PCDHGB1: variants seen among roughly 807,000 people sequenced by gnomAD.
PCDHGB1 encodes the protein protocadherin gamma subfamily B, 1.
Under a neutral mutation model 56.6 loss-of-function variants are expected in PCDHGB1, and 34 were observed. The ratio of observed to expected loss-of-function variants is 0.60; its 90% CI spans 0.46 to 0.80. The LOEUF is 0.80. Ranked by LOEUF, PCDHGB1 falls within the 30% of genes least tolerant of loss-of-function variation. PCDHGB1 has a pLI of 0.00. For missense variants in PCDHGB1, 1,278 were observed against 1,204.6 expected, an observed-to-expected ratio of 1.06 and a Z score of -0.90; for synonymous variants, 561 against 505.9, an observed-to-expected ratio of 1.11 and a Z score of -1.46.
chr5:141,469,962 C>T (rs943032320), intron 1 of PCDHGB1, among the ~76,000 whole-genome samples: 8 of 152,134 alleles, frequency 5.3e-5, no homozygotes, highest in African/African-American at 1.9e-4. Flanking sequence ...GAAACCCCAT[C>T]TGTACCAAAA....
At chr5:141,419,465 G>C (rs568864628) in intron 1 of PCDHGB1, 77 of 1,612,426 alleles carry the variant, frequency 4.8e-5, no homozygotes, top group Non-Finnish European at 6.4e-5. Context: ...GCAGGCCCGC[G>C]ACCAGGGCTC....
At chr5:141,393,989 T>G in intron 1 of PCDHGB1, 1 of 1,613,634 alleles carries the variant, frequency 6.2e-7, no homozygotes, top group Non-Finnish European at 8.5e-7. Flanking sequence ...ATTTACCTTT[T>G]AAATTAGAAA....
chr5:141,402,973 C>G (rs779898665), intron 1 of PCDHGB1: 1 of 1,607,926 alleles, frequency 6.2e-7, no homozygotes. Context: ...CAACCAAATG[C>G]CAGCTCCGCG....
chr5:141,464,853 C>A (rs1441161135), intron 1 of PCDHGB1, among the ~76,000 whole-genome samples: 1 of 151,778 alleles, frequency 6.6e-6, no homozygotes, highest in East Asian at 1.9e-4. Flanking sequence ...ATCCTCCTAC[C>A]TTAGCCTCCC....
intron 1 of PCDHGB1, chr5:141,416,916 T>A (rs751743318): frequency 5.5e-4 from 83 of 152,132 alleles, no homozygotes; most frequent in Non-Finnish European, 8.5e-4. Flanking sequence ...CTCTTTAGGG[T>A]CATAGTTATT....
At chr5:141,385,285 G>C in intron 1 of PCDHGB1, 1 of 1,613,408 alleles carries the variant, frequency 6.2e-7, no homozygotes, top group Non-Finnish European at 8.5e-7. Flanking sequence ...AACATCCGTA[G>C]ATTTTCAGGA....
At chr5:141,369,716 T>C (rs1229829600) in intron 1 of PCDHGB1, among the ~76,000 whole-genome samples, 1 of 152,218 alleles carries the variant, frequency 6.6e-6, no homozygotes, top group Non-Finnish European at 1.5e-5. Flanking sequence ...TTATAACTTT[T>C]AGAAGTTAGA....
At chr5:141,470,602 G>A (rs1004044883) in intron 1 of PCDHGB1, among the ~76,000 whole-genome samples, 1 of 152,268 alleles carries the variant, frequency 6.6e-6, no homozygotes, top group South Asian at 2.1e-4. Flanking sequence ...ACCTGTGCGG[G>A]GACACAGGGC....
intron 1 of PCDHGB1, among the ~76,000 whole-genome samples, chr5:141,465,409 A>G (rs1037916815): frequency 3.3e-5 from 5 of 152,188 alleles, no homozygotes; most frequent in African/African-American, 4.8e-5. Flanking sequence ...AAGAAGCCAA[A>G]TCAGCACTGA....
chr5:141,393,306 A>G (rs2092724552), intron 1 of PCDHGB1: 2 of 1,613,734 alleles, frequency 1.2e-6, no homozygotes, highest in African/African-American at 2.7e-5. Flanking sequence ...TGTGGGCGTG[A>G]ACTCCCTCCA....
intron 1 of PCDHGB1, chr5:141,415,059 C>A: frequency 1.2e-6 from 2 of 1,613,396 alleles, no homozygotes; most frequent in Non-Finnish European, 1.7e-6. Flanking sequence ...AGCACACGGG[C>A]GAGGTGCGCA....
At chr5:141,396,821 G>A (rs934244827) in intron 1 of PCDHGB1, among the ~76,000 whole-genome samples, 5 of 152,314 alleles carry the variant, frequency 3.3e-5, no homozygotes, top group Middle Eastern at 3.4e-3. Context: ...ACTGTATGGT[G>A]CATATTCAGT....
At chr5:141,394,950 G>C in intron 1 of PCDHGB1, 1 of 1,613,848 alleles carries the variant, frequency 6.2e-7, no homozygotes, top group Non-Finnish European at 8.5e-7. Context: ...TGTGCTTCTG[G>C]GGCTCAGGCT....
At chr5:141,364,881 G>A (rs1274418788) in intron 1 of PCDHGB1, 2 of 1,613,898 alleles carry the variant, frequency 1.2e-6, no homozygotes, top group Admixed American at 1.7e-5. Context: ...GATGTGGTAA[G>A]CGGAACTGAT....
intron 1 of PCDHGB1, chr5:141,410,439 G>A (rs775594110): frequency 3.1e-6 from 5 of 1,614,006 alleles, no homozygotes; most frequent in Admixed American, 3.3e-5. Context: ...TACAGTGAGG[G>A]GACTTTGCCT....
At chr5:141,364,790 C>T (rs796800411) in intron 1 of PCDHGB1, 2 of 1,614,014 alleles carry the variant, frequency 1.2e-6, no homozygotes, top group Admixed American at 1.7e-5. Flanking sequence ...ACGGTTAGTG[C>T]TTCCCTTCGC....
intron 1 of PCDHGB1, chr5:141,384,775 G>T (rs1392115505): frequency 1.9e-6 from 3 of 1,613,792 alleles, no homozygotes; most frequent in African/African-American, 1.3e-5. Context: ...CACGGGCGAG[G>T]TGCGCACGGC....
At position 141,389,670 on chromosome 5, in the gene PCDHGB1, T is replaced by A. The variant is rs2091868205; in HGVS notation, c.2409+37001T>A. 3 of 1,612,454 alleles carry A rather than the reference T, an allele frequency of 1.9e-6. No homozygotes were observed. The East Asian group carries it at 6.7e-5, about 36-fold the overall frequency. On this transcript the variant is annotated intron_variant, in intron 1 of 3. Transcript: ENST00000523390. The stretch of plus-strand genomic sequence containing the variant: ...CAAGGTAGTGGCGGTGGACGCAGAC[T>A]CAGGACACAACGCCTGGCTGTCCTA...
chr5:141,391,929 T>C (rs1035871197), intron 1 of PCDHGB1: 1 of 152,214 alleles, frequency 6.6e-6, no homozygotes, highest in African/African-American at 2.4e-5. Flanking sequence ...ATCTGTACCT[T>C]TCAAGTATTC....
Sources: allele counts gnomAD v4.1 joint callset (sites outside exome capture counted in the v4.1 genomes callset), GRCh38; gene constraint gnomAD v4.1.1; transcripts MANE v1.5; gene names NCBI Gene and HGNC (gene_info 2026-07-23, HGNC 2026-07-21).